CHST11: variants seen among roughly 807,000 people sequenced by gnomAD.
CHST11 encodes carbohydrate sulfotransferase 11, also known as C4S-1.
Under a neutral mutation model 30.4 loss-of-function variants are expected in CHST11, and 9 were observed. The ratio of observed to expected loss-of-function variants is 0.30; its 90% CI spans 0.18 to 0.52. The LOEUF is 0.52. Ranked by LOEUF, CHST11 falls within the 20% of genes least tolerant of loss-of-function variation. The pLI is 0.97. For synonymous variants in CHST11, 152 were observed against 187.8 expected (o/e 0.81, Z 1.56); for missense variants, 348 against 460.6 (o/e 0.76, Z 2.24).
intron 2 of CHST11, among the ~76,000 whole-genome samples, chr12:104,610,495 C>T (rs989616706): frequency 6.6e-6 from 1 of 152,174 alleles, no homozygotes; most frequent in African/African-American, 2.4e-5. Context: ...CAAATGACCT[C>T]GGCAGTTTCC....
intron 2 of CHST11, among the ~76,000 whole-genome samples, chr12:104,623,516 G>C (rs1370209234): frequency 6.6e-6 from 1 of 152,136 alleles, no homozygotes; most frequent in African/African-American, 2.4e-5. Flanking sequence ...TTCGAGACTA[G>C]CCTGACCAAC....
chr12:104,513,138 T>TGGGGGGGGGGGGGGGGGGGGGGGG (rs1565969843), intron 1 of CHST11, among the ~76,000 whole-genome samples: 1 of 3,340 alleles, frequency 3.0e-4, no homozygotes, highest in Non-Finnish European at 5.8e-4. Flanking sequence ...GGGGGGGGGG[T>TGGGGGGGGGGGGGGGGGGGGGGGG]TGGGGGTGGG....
intron 2 of CHST11, among the ~76,000 whole-genome samples, chr12:104,716,929 A>G (rs1037118209): frequency 2.6e-5 from 4 of 152,166 alleles, no homozygotes; most frequent in African/African-American, 9.7e-5. Flanking sequence ...AATCAAGGGG[A>G]TTATTGCTTC....
At position 104,508,825 on chromosome 12, in the gene CHST11, G is replaced by A. The variant is rs189545620; in HGVS notation, c.118+51296G>A. 1.9e-3 allele frequency among the ~76,000 whole-genome samples: 295 copies of A among 152,178 alleles called. 1 individual carries two copies. The highest frequency in any genetic ancestry group is 3.5e-3 in the Admixed American group (53 of 15,286). On this transcript the variant is annotated intron_variant, in intron 1 of 2. Coordinates refer to ENST00000303694, the MANE Select transcript of CHST11 (RefSeq NM_018413.6). Reference sequence around the variant, plus strand: ...TCCCCCTGAACCTCTTTGCAAGTAAGATTTTTTCTTTCTTAAATGCTTTTC... The same window carrying A: ...TCCCCCTGAACCTCTTTGCAAGTAAAATTTTTTCTTTCTTAAATGCTTTTC...
At chr12:104,720,017 G>A (rs752641443) in intron 2 of CHST11, among the ~76,000 whole-genome samples, 4 of 152,224 alleles carry the variant, frequency 2.6e-5, no homozygotes, top group Non-Finnish European at 4.4e-5. Context: ...TGGTGTCCAG[G>A]CACTTTTCCG....
At chr12:104,492,747 G>A (rs552217595) in intron 1 of CHST11, among the ~76,000 whole-genome samples, 2 of 152,282 alleles carry the variant, frequency 1.3e-5, no homozygotes, top group African/African-American at 4.8e-5. Flanking sequence ...AAGAATCCAG[G>A]ATGTGTCCGG....
chr12:104,693,536 A>G (rs964895245), intron 2 of CHST11, among the ~76,000 whole-genome samples: 12 of 152,242 alleles, frequency 7.9e-5, no homozygotes, highest in African/African-American at 2.7e-4. Context: ...TAACTCTGAC[A>G]GAATGGTGCC....
At chr12:104,675,530 A>AAATG (rs1317461642) in intron 2 of CHST11, among the ~76,000 whole-genome samples, 1 of 152,254 alleles carries the variant, frequency 6.6e-6, no homozygotes, top group Non-Finnish European at 1.5e-5. Flanking sequence ...CATAAGAAAT[A>AAATG]AATGAATGAA....
intron 2 of CHST11, among the ~76,000 whole-genome samples, chr12:104,721,614 G>A (rs544218358): frequency 2.6e-5 from 4 of 152,216 alleles, no homozygotes; most frequent in Admixed American, 1.3e-4. Flanking sequence ...CTCAAAATGG[G>A]GTGTGACTAC....
At chr12:104,755,902 T>G (rs1451867288) in intron 2 of CHST11, among the ~76,000 whole-genome samples, 2 of 79,710 alleles carry the variant, frequency 2.5e-5, no homozygotes, top group Admixed American at 2.4e-4. Flanking sequence ...GAATCATTGG[T>G]TTCTCGGGAC....
chr12:104,716,712 G>T (rs1167136204), intron 2 of CHST11, among the ~76,000 whole-genome samples: 2 of 152,206 alleles, frequency 1.3e-5, no homozygotes, highest in Non-Finnish European at 2.9e-5. Context: ...CAGGGGCAGG[G>T]TCTGTGAATG....
chr12:104,488,751 G>A lies in CHST11; in HGVS notation c.118+31222G>A, dbSNP rs868108818. ...TGTGTATGTGTACGCGTGTGTGTGT[G>A]TGTGTGTGTGTGTGTGTGTGTCTAT... On this transcript the variant is annotated intron_variant, in intron 1 of 2. Transcript: ENST00000303694. Among the ~76,000 whole-genome samples, 427 of 145,812 alleles carry A rather than the reference G, an allele frequency of 2.9e-3. 4 individuals carry two copies. The highest frequency in any genetic ancestry group is 0.011 in the African/African-American group (406 of 35,700).
At chr12:104,489,760 G>A (rs550222232) in intron 1 of CHST11, among the ~76,000 whole-genome samples, 1 of 152,294 alleles carries the variant, frequency 6.6e-6, no homozygotes, top group South Asian at 2.1e-4. Context: ...ACTGCGCCCG[G>A]CCAGAATACC....
chr12:104,460,800 T>G (rs1171359588), intron 1 of CHST11, among the ~76,000 whole-genome samples: 1 of 152,196 alleles, frequency 6.6e-6, no homozygotes, highest in Non-Finnish European at 1.5e-5. Flanking sequence ...TAATTGGTCA[T>G]CAGTTGCACA....
At chr12:104,665,449 C>T (rs1462428552) in intron 2 of CHST11, among the ~76,000 whole-genome samples, 1 of 152,112 alleles carries the variant, frequency 6.6e-6, no homozygotes, top group African/African-American at 2.4e-5. Context: ...TTGAATGTAA[C>T]AGTGACAAGT....
chr12:104,622,371 G>A (rs1225016906), intron 2 of CHST11, among the ~76,000 whole-genome samples: 1 of 152,050 alleles, frequency 6.6e-6, no homozygotes, highest in Non-Finnish European at 1.5e-5. Flanking sequence ...TAAATATTTG[G>A]AATTAATGGT....
chr12:104,743,806 T>TAA (rs753601594), intron 2 of CHST11, among the ~76,000 whole-genome samples: 34 of 152,162 alleles, frequency 2.2e-4, no homozygotes, highest in Non-Finnish European at 2.9e-4. Flanking sequence ...TGTTCCCCTC[T>TAA]GTGTCCATGT....
chr12:104,554,352 G>C (rs1333480952), intron 1 of CHST11, among the ~76,000 whole-genome samples: 1 of 152,148 alleles, frequency 6.6e-6, no homozygotes, highest in Non-Finnish European at 1.5e-5. Flanking sequence ...CCAAGAGACA[G>C]GGGGCACCAT....
chr12:104,739,597 G>A (rs1291325429), intron 2 of CHST11, among the ~76,000 whole-genome samples: 1 of 152,186 alleles, frequency 6.6e-6, no homozygotes, highest in Non-Finnish European at 1.5e-5. Flanking sequence ...CTGCTCTGCT[G>A]CCCCTTGATG....
Sources: allele counts gnomAD v4.1 joint callset (sites outside exome capture counted in the v4.1 genomes callset), GRCh38; gene constraint gnomAD v4.1.1; transcripts MANE v1.5; gene names NCBI Gene and HGNC (gene_info 2026-07-23, HGNC 2026-07-21).